Variants in NOX4 observed in about 807,000 individuals in gnomAD.
NOX4 encodes the protein NADPH oxidase 4.
Under a neutral mutation model 87.6 loss-of-function variants are expected in NOX4, and 69 were observed. The observed-to-expected ratio is 0.79, with a 90% CI of 0.65 to 0.96. The LOEUF (loss-of-function observed/expected upper bound fraction) is 0.96. Among genes scored for constraint, NOX4 ranks in the 40% least tolerant of loss-of-function variants. The probability of loss-of-function intolerance (pLI) is 0.00; values close to 1 mark genes in which losing one functional copy is unlikely to be tolerated. For synonymous variants in NOX4, 275 were observed against 238.2 expected, an observed-to-expected ratio of 1.15 and a Z score of -1.42; for missense variants, 680 against 681.5, an observed-to-expected ratio of 1.00 and a Z score of 0.02.
At chr11:89,419,484 A>G (rs1013707553) in intron 8 of NOX4, among the ~76,000 whole-genome samples, 12 of 152,008 alleles carry the variant, frequency 7.9e-5, no homozygotes, top group African/African-American at 2.9e-4. Context: ...TCATACCAGA[A>G]GCATATCTAT....
At chr11:89,393,486 G>C (rs527524252) in intron 11 of NOX4, among the ~76,000 whole-genome samples, 1 of 152,134 alleles carries the variant, frequency 6.6e-6, no homozygotes, top group African/African-American at 2.4e-5. Flanking sequence ...TTCAGTACCT[G>C]AGACTACTTT....
At chr11:89,463,496 C>T (rs1417438226) in intron 2 of NOX4, among the ~76,000 whole-genome samples, 1 of 151,980 alleles carries the variant, frequency 6.6e-6, no homozygotes, top group African/African-American at 2.4e-5. Flanking sequence ...ATTTTAATGA[C>T]ACTGACTAAG....
the NOX4 span, among the ~76,000 whole-genome samples, chr11:89,541,976 T>C: frequency 3.2e-5 from 4 of 125,892 alleles, no homozygotes; most frequent in Non-Finnish European, 6.9e-5. Flanking sequence ...CAGCTAATTT[T>C]TGTAGTTTTT....
the NOX4 span, among the ~76,000 whole-genome samples, chr11:89,562,593 G>A: frequency 6.6e-6 from 1 of 152,104 alleles, no homozygotes; most frequent in Non-Finnish European, 1.5e-5. Flanking sequence ...TTCTGATACT[G>A]GTTTTTCATC....
chr11:89,393,210 A>G (rs1192518848), intron 11 of NOX4, among the ~76,000 whole-genome samples: 2 of 152,068 alleles, frequency 1.3e-5, no homozygotes, highest in Non-Finnish European at 2.9e-5. Context: ...AGATGCTGCA[A>G]AACATCCTAT....
the NOX4 span, among the ~76,000 whole-genome samples, chr11:89,563,618 C>T: frequency 6.6e-6 from 1 of 152,108 alleles, no homozygotes; most frequent in African/African-American, 2.4e-5. Context: ...ACCAAATCTT[C>T]CAGAGTCTTT....
chr11:89,405,973 T>C (rs1394803854), intron 8 of NOX4, among the ~76,000 whole-genome samples: 2 of 152,028 alleles, frequency 1.3e-5, no homozygotes, highest in African/African-American at 2.4e-5. Flanking sequence ...AATGTATACA[T>C]TGAGCAAAAT....
chr11:89,425,278 T>C (rs140547902), intron 7 of NOX4, among the ~76,000 whole-genome samples: 19 of 152,114 alleles, frequency 1.2e-4, no homozygotes, highest in African/African-American at 4.3e-4. Context: ...TTTTCATTCT[T>C]ATGAAAAGCT....
At chr11:89,500,857 A>T (rs993792644), upstream of NOX4, among the ~76,000 whole-genome samples, 4 of 152,246 alleles carry the variant, frequency 2.6e-5, no homozygotes, top group South Asian at 8.3e-4. Flanking sequence ...ATTTTAGGTT[A>T]CAGCTGCTTA....
chr11:89,343,678 A>G (rs1356891096), intron 13 of NOX4, among the ~76,000 whole-genome samples: 1 of 152,184 alleles, frequency 6.6e-6, no homozygotes, highest in Admixed American at 6.5e-5. Flanking sequence ...TCCCTATCAT[A>G]GTACATGTTC....
intron 2 of NOX4, among the ~76,000 whole-genome samples, chr11:89,472,797 T>C (rs569540336): frequency 6.6e-6 from 1 of 152,290 alleles, no homozygotes; most frequent in Non-Finnish European, 1.5e-5. Context: ...GCATTCAGAG[T>C]TGCATATGAA....
At chr11:89,494,100 A>G (rs909670757), upstream of NOX4, among the ~76,000 whole-genome samples, 2 of 152,176 alleles carry the variant, frequency 1.3e-5, no homozygotes, top group African/African-American at 4.8e-5. Flanking sequence ...CCAAACTAGG[A>G]AAGGCCATTC....
intron 12 of NOX4, among the ~76,000 whole-genome samples, chr11:89,357,888 G>A (rs1938191148): frequency 6.6e-6 from 1 of 151,796 alleles, no homozygotes; most frequent in South Asian, 2.1e-4. Context: ...ATATTGACAG[G>A]ACTAAAAACA....
At chr11:89,348,765 T>G (rs1167241062) in intron 13 of NOX4, among the ~76,000 whole-genome samples, 3 of 151,956 alleles carry the variant, frequency 2.0e-5, no homozygotes, top group African/African-American at 4.8e-5. Flanking sequence ...GACCCACCAC[T>G]TCTAAGTTAA....
At chr11:89,517,052 T>G in the NOX4 span, among the ~76,000 whole-genome samples, 11 of 152,022 alleles carry the variant, frequency 7.2e-5, no homozygotes, top group Admixed American at 7.2e-4. Context: ...TTTTTAATAT[T>G]CGGTTCAATG....
chr11:89,541,679 A>C, the NOX4 span, among the ~76,000 whole-genome samples: 1 of 152,230 alleles, frequency 6.6e-6, no homozygotes, highest in Admixed American at 6.5e-5. Context: ...TTAAATGTAC[A>C]GAAAATGCAC....
chr11:89,545,369 A>G, the NOX4 span: 1 of 152,164 alleles, frequency 6.6e-6, no homozygotes, highest in African/African-American at 2.4e-5. Flanking sequence ...TTTAATTTAG[A>G]AACCTTTTTC....
the NOX4 span, among the ~76,000 whole-genome samples, chr11:89,559,507 CA>C: frequency 6.6e-6 from 1 of 151,972 alleles, no homozygotes; most frequent in Non-Finnish European, 1.5e-5. Context: ...TTCAAACTAC[CA>C]AGGTGAGGTC....
chr11:89,521,866 G>T, the NOX4 span, among the ~76,000 whole-genome samples: 2 of 151,938 alleles, frequency 1.3e-5, no homozygotes, highest in Admixed American at 1.3e-4. Context: ...TAAAAAACAG[G>T]CAAAAAATAT....
Sources: allele counts gnomAD v4.1 joint callset (sites outside exome capture counted in the v4.1 genomes callset), GRCh38; gene constraint gnomAD v4.1.1; transcripts MANE v1.5; gene names NCBI Gene and HGNC (gene_info 2026-07-23, HGNC 2026-07-21).